The following SLC2A7 variants were observed in gnomAD, a reference collection of about 807,000 sequenced individuals.
SLC2A7 encodes solute carrier family 2 member 7.
In SLC2A7, 50 loss-of-function variants were observed where a neutral mutation model predicts 50.5. The ratio of observed to expected loss-of-function variants is 0.99; its 90% confidence interval spans 0.79 to 1.25. The LOEUF (loss-of-function observed/expected upper bound fraction) is 1.25. Among genes scored for constraint, SLC2A7 ranks in the 50% most tolerant of loss-of-function variants. SLC2A7 has a pLI of 0.00. For synonymous variants in SLC2A7, 308 were observed against 300.4 expected, an observed-to-expected ratio of 1.03 and a Z score of -0.26; for missense variants, 683 against 679.1, an observed-to-expected ratio of 1.01 and a Z score of -0.06.
chr1:9,000,751 TG>T (rs1640562859), downstream of SLC2A7, among the ~76,000 whole-genome samples: 2 of 145,728 alleles, frequency 1.4e-5, no homozygotes, highest in Admixed American at 1.4e-4. Flanking sequence ...TCCTGGTGTG[TG>T]TGTGTGTGTG....
intron 5 of SLC2A7, 87 bp from the exon 6 acceptor site, chr1:9,015,329 T>C: frequency 6.9e-7 from 1 of 1,444,718 alleles, no homozygotes; most frequent in Non-Finnish European, 9.1e-7. Context: ...CGCTCCTATG[T>C]GTGAACCAAG....
downstream of SLC2A7, among the ~76,000 whole-genome samples, chr1:9,000,745 GGT>G (rs56985979): frequency 0.097 from 13,703 of 141,866 alleles, 763 homozygotes; most frequent in East Asian, 0.18. Context: ...TGACTTTCCT[GGT>G]GTGTGTGTGT....
chr1:9,017,867 C>G (rs1286098434), intron 5 of SLC2A7, among the ~76,000 whole-genome samples: 1 of 152,160 alleles, frequency 6.6e-6, no homozygotes, highest in Admixed American at 6.5e-5. Context: ...AACCTGCTTG[C>G]CCTGCATTGA....
chr1:9,017,436 C>T (rs553524486), intron 5 of SLC2A7, among the ~76,000 whole-genome samples: 41 of 152,326 alleles, frequency 2.7e-4, no homozygotes, highest in Non-Finnish European at 5.4e-4. Context: ...AGGGTCCTGC[C>T]CCACACCCAG....
rs776073629 is a variant in SLC2A7 at position 9,014,804 on chromosome 1, G to A, written c.780C>T (p.Ala260=). The change falls in exon 7 of 12, where the codon GCC becomes GCT. Residue 260 remains alanine, a synonymous_variant. Transcript: ENST00000400906. ...GGTGGCCCTCGGCGCGCTCGGCCCG[G>A]GCCTCCGCACGCATGTCCTCCAGCT... ...EAELEDMRAE[A]RAERAEGHLS... 2.7e-5 allele frequency: 44 copies of A among 1,603,960 alleles called. No individual in the cohort carries two copies. The highest frequency in any genetic ancestry group is 3.7e-5 in the Non-Finnish European group (43 of 1,176,364).
At chr1:9,015,793 A>G (rs1374362480) in intron 5 of SLC2A7, among the ~76,000 whole-genome samples, 4 of 150,186 alleles carry the variant, frequency 2.7e-5, no homozygotes, top group African/African-American at 9.8e-5. Context: ...GTGCGATCAT[A>G]GCCCACTGCA....
rs1430280505 is a variant in SLC2A7, at chr1:9,011,730, A to ACTT, written c.1015-1489_1015-1487dup. On this transcript the variant is annotated intron_variant, in intron 8 of 11. Transcript: ENST00000400906. ...CTTTCGACTTCTTCCTTCCTTTTCT[A>ACTT]CTTCTTCTTCTTCTTCTTTTTTTTT... 5.5e-4 allele frequency among the ~76,000 whole-genome samples: 67 copies of ACTT among 122,680 alleles called. 1 individual carries two copies. The highest frequency in any genetic ancestry group is 1.2e-3 in the Admixed American group (14 of 11,816). The allele number at this position is 122,680 out of a possible 152,430, so 80.5% of individuals were successfully genotyped here.
rs201194130 is a variant in SLC2A7, at chr1:9,014,670, G to A, written c.903+11C>T. On this transcript the variant is annotated intron_variant, in intron 7 of 11. Transcript: ENST00000400906. ...TCATCTGTCTCCCTGCCTGGCCACCGTCCCACATACCGCATTGATGCCCGA... is the reference window on the plus strand; with the variant it reads ...TCATCTGTCTCCCTGCCTGGCCACCATCCCACATACCGCATTGATGCCCGA... 3.0e-5 allele frequency: 47 copies of A among 1,552,380 alleles called. No homozygotes were observed. In the East Asian group the frequency reaches 5.1e-4, roughly 17 times the overall value.
chr1:9,012,346 T>C lies in SLC2A7; in HGVS notation c.1014+1179A>G, dbSNP rs568994667. 3.3e-5 allele frequency among the ~76,000 whole-genome samples: 5 copies of C among 152,288 alleles called. No individual in the cohort carries two copies. In the East Asian group the frequency reaches 9.6e-4, roughly 29 times the overall value. On this transcript the variant is annotated intron_variant, in intron 8 of 11. Coordinates refer to ENST00000400906, the MANE Select transcript of SLC2A7 (RefSeq NM_207420.3). ...ATGATGGTGAAGCAGGTCCTAGTTA[T>C]GGTCATTTATCCCCAAGGAGGAGGA...
intron 10 of SLC2A7, among the ~76,000 whole-genome samples, chr1:9,006,858 G>C (rs1487343686): frequency 6.6e-6 from 1 of 152,184 alleles, no homozygotes; most frequent in Non-Finnish European, 1.5e-5. Flanking sequence ...GAAGCCACTG[G>C]CAACAGGACA....
In SLC2A7 at chr1:9,008,066, A is replaced by G. The variant is rs1292251447; in HGVS notation, c.1117-681T>C. Among the ~76,000 whole-genome samples, 3 of 152,086 alleles carry G rather than the reference A, an allele frequency of 2.0e-5. No homozygotes were observed. The highest frequency in any genetic ancestry group is 2.0e-4 in the Admixed American group (3 of 15,258). On this transcript the variant is annotated intron_variant, in intron 9 of 11. Transcript: ENST00000400906. The surrounding 1 kb of genome is among the most constrained non-coding windows in gnomAD (Gnocchi z 5.9). ...TCTCTACCATTCTCTGGAGACTCCT[A>G]GGACCCCCGGACCCGTGGAGCTGGC...
At chr1:9,022,583 T>G (rs1640927092) in intron 3 of SLC2A7, among the ~76,000 whole-genome samples, 1 of 152,124 alleles carries the variant, frequency 6.6e-6, no homozygotes, top group Admixed American at 6.6e-5. Context: ...GACCCCGGAA[T>G]GAAACCTGAT....
rs1641001502 is a variant in SLC2A7, at chr1:9,026,333, C to G, written c.13G>C (p.Glu5Gln). The change falls in exon 1 of 12, where the codon GAG becomes CAG. Residue 5 changes from glutamate to glutamine, a missense_variant. Glu to Gln is a conservative substitution (Grantham distance 29). Coordinates refer to ENST00000400906, the MANE Select transcript of SLC2A7 (RefSeq NM_207420.3). MENK[E>Q]AGTPPPIPSR... Reference sequence around the variant, plus strand: ...GGAATGGGTGGAGGGGTTCCCGCCTCTTTGTTCTCCATCCTTGTTCAGGTG... The same window carrying G: ...GGAATGGGTGGAGGGGTTCCCGCCTGTTTGTTCTCCATCCTTGTTCAGGTG... 1 of 1,608,692 alleles carries G rather than the reference C, an allele frequency of 6.2e-7. No individual in the cohort carries two copies. The highest frequency in any genetic ancestry group is 1.3e-5 in the African/African-American group (1 of 74,984).
chr1:9,001,074 C>T (rs767907973), downstream of SLC2A7, among the ~76,000 whole-genome samples: 14 of 152,084 alleles, frequency 9.2e-5, no homozygotes, highest in Non-Finnish European at 1.6e-4. Flanking sequence ...TACAGGGCAA[C>T]AGGTAAACCT....
chr1:9,019,411 G>A (rs1375050932), intron 3 of SLC2A7, 78 bp from the exon 4 acceptor site: 32 of 1,577,460 alleles, frequency 2.0e-5, no homozygotes, highest in African/African-American at 4.1e-5. Flanking sequence ...CCTATTCTGC[G>A]GGCAGTCACT....
chr1:9,017,435 C>T (rs1640846979), intron 5 of SLC2A7, among the ~76,000 whole-genome samples: 1 of 152,220 alleles, frequency 6.6e-6, no homozygotes, highest in Non-Finnish European at 1.5e-5. Context: ...GAGGGTCCTG[C>T]CCCACACCCA....
rs757428549 is a variant in SLC2A7, at chr1:9,019,204, G to C, written c.436+5C>G. ...AGGCTGAGCCGGAGCCTGGGCCCCA[G>C]GTACCTGCACAGACTCCCAGCACCA... On this transcript the variant is annotated splice_donor_5th_base_variant and intron_variant, in intron 4 of 11. Transcript: ENST00000400906. The C allele has an allele frequency of 6.2e-7, 1 of 1,613,110 alleles. No homozygotes were observed. The highest frequency in any genetic ancestry group is 8.5e-7 in the Non-Finnish European group (1 of 1,179,478).
chr1:9,016,359 C>T (rs12028131), intron 5 of SLC2A7, among the ~76,000 whole-genome samples: 11,319 of 152,188 alleles, frequency 0.074, 587 homozygotes, highest in East Asian at 0.22. Context: ...AATCCCTTCA[C>T]TTTGGGAGGC....
At chr1:9,017,762 C>A (rs1461748517) in intron 5 of SLC2A7, among the ~76,000 whole-genome samples, 2 of 152,210 alleles carry the variant, frequency 1.3e-5, no homozygotes, top group East Asian at 3.8e-4. Flanking sequence ...ACGACCCCCA[C>A]TCGCTCTCAG....
Sources: allele counts gnomAD v4.1 joint callset (sites outside exome capture counted in the v4.1 genomes callset), GRCh38; gene constraint gnomAD v4.1.1; non-coding constraint Gnocchi (gnomAD v3.1); transcripts MANE v1.5; gene names NCBI Gene and HGNC (gene_info 2026-07-23, HGNC 2026-07-21).